Variants in RFX7 observed in about 807,000 individuals in gnomAD.
The protein encoded by RFX7 is DNA-binding protein RFX7.
In RFX7, 26 loss-of-function variants were observed where a neutral mutation model predicts 111.8. The observed-to-expected ratio is 0.23, with a 90% confidence interval of 0.17 to 0.32. RFX7 has a LOEUF of 0.32. Among genes scored for constraint, RFX7 ranks in the 10% least tolerant of loss-of-function variants. The pLI, the probability that RFX7 is intolerant of heterozygous loss-of-function variation, is 1.00. For missense variants in RFX7, 1,573 were observed against 1,772.9 expected, an observed-to-expected ratio of 0.89 and a Z score of 2.02; for synonymous variants, 624 against 624.4, an observed-to-expected ratio of 1.00 and a Z score of 0.01.
Position 56,090,004 on chromosome 15 carries a change from C to T in RFX7, c.*3341G>A, listed in dbSNP as rs1178127018. 2 of 152,164 alleles carry T rather than the reference C, an allele frequency of 1.3e-5. No individual in the cohort carries two copies. The highest frequency in any genetic ancestry group is 4.8e-5 in the African/African-American group (2 of 41,436). The allele number at this position is 152,164 out of a possible 1,614,324, so 9.4% of individuals were successfully genotyped here. On this transcript the variant is annotated 3_prime_UTR_variant, in exon 10 of 10. Coordinates refer to ENST00000559447, the MANE Select transcript of RFX7 (RefSeq NM_022841.7). Reference sequence around the variant, plus strand: ...CTCAGTTTCAAGAGTGAGGAAACTCCATTCAAGACCCTGGTTTCATTACTT... The same window carrying T: ...CTCAGTTTCAAGAGTGAGGAAACTCTATTCAAGACCCTGGTTTCATTACTT...
At chr15:56,205,260 C>G (rs1386118544) in intron 2 of RFX7, among the ~76,000 whole-genome samples, 1 of 152,170 alleles carries the variant, frequency 6.6e-6, no homozygotes, top group Non-Finnish European at 1.5e-5. Flanking sequence ...TCAAGTTTTG[C>G]CAATTCCAGT....
In RFX7 at chr15:56,095,715, A is replaced by C. The variant is rs1487094572; in HGVS notation, c.2013T>G (p.Pro671=). Residue 671 remains proline (P), a synonymous_variant, in exon 10 of 10, where the codon CCT becomes CCG. Coordinates refer to ENST00000559447, the MANE Select transcript of RFX7 (RefSeq NM_022841.7). ...GCTGTTCCACAATTGGTTTCTTTAC[A>C]GGAGGCACCTGGGTCTCCTGCAATG... The part of the protein sequence containing the change: ...SSTLQETQVP[P]VKKPIVEQLS... 6.2e-7 allele frequency: 1 copy of C among 1,613,942 alleles called. No homozygotes were observed. Among genetic ancestry groups the C allele is most frequent in the Admixed American group, 1.7e-5 (1 of 60,024 alleles).
chr15:56,222,077 C>T (rs534947829), intron 2 of RFX7, among the ~76,000 whole-genome samples: 167 of 152,242 alleles, frequency 1.1e-3, no homozygotes, highest in African/African-American at 3.8e-3. Flanking sequence ...ATTCTTTTAG[C>T]TTTTGCTCAT....
At chr15:56,187,273 C>T (rs965372792) in intron 2 of RFX7, among the ~76,000 whole-genome samples, 3 of 150,908 alleles carry the variant, frequency 2.0e-5, no homozygotes, top group African/African-American at 4.9e-5. Flanking sequence ...GGCAGAGGCA[C>T]GATCTCAGCT....
intron 5 of RFX7, among the ~76,000 whole-genome samples, chr15:56,113,523 G>A (rs2041966250): frequency 6.6e-6 from 1 of 152,146 alleles, no homozygotes; most frequent in African/African-American, 2.4e-5. Context: ...GGAGGAAAGA[G>A]CATTAGGACA....
intron 3 of RFX7, among the ~76,000 whole-genome samples, chr15:56,163,108 G>A (rs1363559464): frequency 6.6e-6 from 1 of 152,122 alleles, no homozygotes; most frequent in East Asian, 1.9e-4. Flanking sequence ...GTGTCGGTGA[G>A]TTGACCTTGG....
Position 56,216,962 on chromosome 15 carries a change from A to C in RFX7, c.161+26163T>G, listed in dbSNP as rs202189749. ...CACCACCATGCGTGGCTCTACGGAT[A>C]TTCTTTGGAGGTATATTTTTAATTG... On this transcript the variant is annotated intron_variant, in intron 2 of 9. Coordinates refer to ENST00000559447, the MANE Select transcript of RFX7 (RefSeq NM_022841.7). 3.5e-4 allele frequency among the ~76,000 whole-genome samples: 54 copies of C among 152,294 alleles called. 1 individual carries two copies. In the East Asian group the frequency reaches 0.01, roughly 28 times the overall value.
rs147334036 is a variant in RFX7, at chr15:56,173,640, G to A, written c.195+5630C>T. Among the ~76,000 whole-genome samples, 136 of 152,040 alleles carry A rather than the reference G, an allele frequency of 8.9e-4. 1 individual carries two copies. The East Asian group carries it at 0.025, about 28-fold the overall frequency. On this transcript the variant is annotated intron_variant, in intron 3 of 9. Transcript: ENST00000559447. ...TACTAAAACTACAAAAAATTAGCTG[G>A]GTGTAGTGGCGGATACCTGTAATCC...
At chr15:56,236,256 A>C (rs1239407906) in intron 2 of RFX7, among the ~76,000 whole-genome samples, 2 of 152,226 alleles carry the variant, frequency 1.3e-5, no homozygotes, top group Non-Finnish European at 2.9e-5. Flanking sequence ...AAAAAGAAAA[A>C]TCATGTTTTA....
chr15:56,142,232 T>C (rs2141024270), intron 5 of RFX7, among the ~76,000 whole-genome samples: 1 of 152,306 alleles, frequency 6.6e-6, no homozygotes, highest in African/African-American at 2.4e-5. Context: ...TATTTTTGTA[T>C]CCTGGATTTA....
chr15:56,145,368 A>G (rs1352837520), intron 3 of RFX7, among the ~76,000 whole-genome samples: 2 of 152,236 alleles, frequency 1.3e-5, no homozygotes, highest in Admixed American at 6.5e-5. Context: ...CAGTTTAAAC[A>G]GAGATTCAGT....
At chr15:56,128,923 AGT>A (rs2042178479) in intron 5 of RFX7, among the ~76,000 whole-genome samples, 1 of 152,176 alleles carries the variant, frequency 6.6e-6, no homozygotes, top group Non-Finnish European at 1.5e-5. Context: ...CTAATCCAAA[AGT>A]GTTATTAAAA....
chr15:56,141,666 T>TATATATATATATATATATATATAC (rs2042399155), intron 5 of RFX7, among the ~76,000 whole-genome samples: 1 of 130,852 alleles, frequency 7.6e-6, no homozygotes, highest in Non-Finnish European at 1.6e-5. Context: ...AATATATATA[T>TATATATATATATATATATATATAC]ATATATATAT....
At chr15:56,148,404 C>G (rs562188885) in intron 3 of RFX7, among the ~76,000 whole-genome samples, 42 of 152,290 alleles carry the variant, frequency 2.8e-4, no homozygotes, top group Admixed American at 2.2e-3. Context: ...TTTGACCTTT[C>G]ACATTCTGGA....
Position 56,095,707 on chromosome 15 carries a change from T to G in RFX7, c.2021A>C (p.Lys674Thr). 6.2e-7 allele frequency: 1 copy of G among 1,613,982 alleles called. No homozygotes were observed. Residue 674 changes from lysine to threonine, a missense_variant, in exon 10 of 10, where the codon AAA becomes ACA. Physicochemically the swap from Lys to Thr is moderately conservative, Grantham distance 78. This residue lies in a region of RFX7 where 625 missense variants were observed against 632.2 expected (regional missense o/e 0.99). Transcript: ENST00000559447. ...LQETQVPPVK[K>T]PIVEQLSAAT... ...TGCTGAAAGCTGTTCCACAATTGGT[T>G]TCTTTACAGGAGGCACCTGGGTCTC...
At chr15:56,239,108 A>G (rs2043658012) in intron 2 of RFX7, among the ~76,000 whole-genome samples, 1 of 152,170 alleles carries the variant, frequency 6.6e-6, no homozygotes, top group South Asian at 2.1e-4. Context: ...TGTTAGGATT[A>G]CAGGCGTGAG....
chr15:56,221,120 C>T (rs1322457218), intron 2 of RFX7, among the ~76,000 whole-genome samples: 2 of 152,178 alleles, frequency 1.3e-5, no homozygotes, highest in Non-Finnish European at 1.5e-5. Flanking sequence ...TAATGTGATG[C>T]CTCCCGCTTT....
chr15:56,089,834 TACC>T lies in RFX7; in HGVS notation c.*3508_*3510del, dbSNP rs1278038425. 2.0e-5 allele frequency: 3 copies of T among 152,182 alleles called. No homozygotes were observed. The highest frequency in any genetic ancestry group is 7.2e-5 in the African/African-American group (3 of 41,414). 9.4% of individuals were successfully genotyped at this position (152,182 alleles called of 1,614,324 possible). A position where few individuals can be genotyped will look rare whatever the true frequency, so the allele number is the denominator to read the frequency against. On this transcript the variant is annotated 3_prime_UTR_variant, in exon 10 of 10. Coordinates refer to ENST00000559447, the MANE Select transcript of RFX7 (RefSeq NM_022841.7). ...ACTCCTTTCCTTTTGTAATTGCTTC[TACC>T]ACCTGTTCAAACTGAGGGCTCCAGA...
Position 56,170,757 on chromosome 15 carries a change from T to C in RFX7, c.195+8513A>G, listed in dbSNP as rs114313463. On this transcript the variant is annotated intron_variant, in intron 3 of 9. Coordinates refer to ENST00000559447, the MANE Select transcript of RFX7 (RefSeq NM_022841.7). ...CCACACATGGCTACTGATTACCATA[T>C]TGAATAGTGCATATATGATATAAAA... Among the ~76,000 whole-genome samples, 667 of 152,310 alleles carry C rather than the reference T, an allele frequency of 4.4e-3. 4 individuals carry two copies. The highest frequency in any genetic ancestry group is 0.015 in the African/African-American group (618 of 41,570).
Sources: allele counts gnomAD v4.1 joint callset (sites outside exome capture counted in the v4.1 genomes callset), GRCh38; gene constraint gnomAD v4.1.1; regional missense constraint gnomAD v4.1.1; transcripts MANE v1.5; gene names NCBI Gene and HGNC (gene_info 2026-07-23, HGNC 2026-07-21).